Variants in TANGO6 observed in about 807,000 individuals in gnomAD.
TANGO6 encodes the protein transport and Golgi organization protein 6 homolog.
A neutral mutation model predicts 114.2 loss-of-function variants in TANGO6; 90 were observed. The ratio of observed to expected loss-of-function variants is 0.79; its 90% CI spans 0.66 to 0.94. The LOEUF (loss-of-function observed/expected upper bound fraction) is 0.94, where lower values mean the gene tolerates loss of function less well. Among genes scored for constraint, TANGO6 ranks in the 40% least tolerant of loss-of-function variants. TANGO6 has a pLI of 0.00. For synonymous variants in TANGO6, 477 were observed against 509.8 expected, an observed-to-expected ratio of 0.94 and a Z score of 0.87; for missense variants, 1,274 against 1,315.3, an observed-to-expected ratio of 0.97 and a Z score of 0.49.
At chr16:69,024,986 T>C (rs2152228915) in intron 16 of TANGO6, among the ~76,000 whole-genome samples, 1 of 152,212 alleles carries the variant, frequency 6.6e-6, no homozygotes, top group South Asian at 2.1e-4. Flanking sequence ...TTTTGTATTT[T>C]TAGTAGAGAC....
At chr16:69,010,485 G>A (rs769437352) in intron 15 of TANGO6, among the ~76,000 whole-genome samples, 9 of 152,120 alleles carry the variant, frequency 5.9e-5, no homozygotes, top group Non-Finnish European at 1.0e-4. Context: ...TGTGCCCTTC[G>A]TTGCAGTTAC....
At chr16:68,987,752 G>A (rs1963910057) in intron 15 of TANGO6, among the ~76,000 whole-genome samples, 1 of 152,086 alleles carries the variant, frequency 6.6e-6, no homozygotes, top group Non-Finnish European at 1.5e-5. Context: ...TATGTCTTTT[G>A]TCAAGTAAAG....
intron 17 of TANGO6, among the ~76,000 whole-genome samples, chr16:69,065,262 G>T (rs1264109864): frequency 2.0e-5 from 3 of 152,172 alleles, no homozygotes; most frequent in Non-Finnish European, 4.4e-5. Context: ...CCAGCCCTTG[G>T]GCAGCATGCC....
At chr16:68,967,618 C>A (rs916355906) in intron 14 of TANGO6, among the ~76,000 whole-genome samples, 3 of 152,216 alleles carry the variant, frequency 2.0e-5, no homozygotes, top group African/African-American at 7.2e-5. Flanking sequence ...CTATTCTGGA[C>A]ATTTCATTTC....
intron 12 of TANGO6, among the ~76,000 whole-genome samples, chr16:68,919,464 A>G (rs1365861228): frequency 6.6e-6 from 1 of 152,252 alleles, no homozygotes; most frequent in Admixed American, 6.5e-5. Flanking sequence ...ACCTGTTACA[A>G]TCTTAATTTG....
intron 14 of TANGO6, among the ~76,000 whole-genome samples, chr16:68,952,436 A>C (rs1286588080): frequency 6.6e-6 from 1 of 152,180 alleles, no homozygotes; most frequent in African/African-American, 2.4e-5. Flanking sequence ...GTCACCCTTC[A>C]TCTCAAATAC....
chr16:69,072,824 A>G (rs182596371), intron 17 of TANGO6, among the ~76,000 whole-genome samples: 1 of 152,270 alleles, frequency 6.6e-6, no homozygotes, highest in Non-Finnish European at 1.5e-5. Context: ...CCCAGGGGGA[A>G]ATTCCTACCC....
chr16:69,020,242 C>T (rs899091427), intron 15 of TANGO6, among the ~76,000 whole-genome samples: 3 of 152,164 alleles, frequency 2.0e-5, no homozygotes, highest in African/African-American at 7.2e-5. Context: ...GTGTGCTGCC[C>T]TACAATCTGA....
chr16:68,930,635 CTTTTTT>C (rs35493432), intron 14 of TANGO6, among the ~76,000 whole-genome samples: 1 of 134,156 alleles, frequency 7.5e-6, no homozygotes, highest in Non-Finnish European at 1.6e-5. Context: ...CGGCTACTGT[CTTTTTT>C]TTTTTTTTTT....
rs752411818 is a variant in TANGO6, at chr16:68,913,748, GC to G, written c.1992+4347del. Among the ~76,000 whole-genome samples the G allele has an allele frequency of 2.6e-5, 4 of 151,910 alleles. No individual in the cohort carries two copies. The South Asian group carries it at 8.3e-4, about 32-fold the overall frequency. ...GAAAAGAAAAATAAGAAAAAAAGGAGCAGGCTCCTTTTTACTGCAGAACCCT... is the reference window on the plus strand; with the variant it reads ...GAAAAGAAAAATAAGAAAAAAAGGAGAGGCTCCTTTTTACTGCAGAACCCT... On this transcript the variant is annotated intron_variant, in intron 11 of 17. Coordinates refer to ENST00000261778, the MANE Select transcript of TANGO6 (RefSeq NM_024562.2).
intron 7 of TANGO6, among the ~76,000 whole-genome samples, chr16:68,886,754 AC>A (rs1490906989): frequency 1.3e-5 from 2 of 151,398 alleles, no homozygotes; most frequent in Admixed American, 6.6e-5. Flanking sequence ...CAGGTGATCC[AC>A]CTGCCTCAGC....
intron 7 of TANGO6, among the ~76,000 whole-genome samples, chr16:68,881,070 C>T (rs1004330436): frequency 3.3e-5 from 5 of 152,056 alleles, no homozygotes; most frequent in Non-Finnish European, 5.9e-5. Context: ...ATTACAGGCG[C>T]GAGCCACTGC....
In TANGO6 at chr16:68,927,939, C is replaced by T. The variant is rs1223070204; in HGVS notation, c.2499C>T (p.Ser833=). The change falls in exon 13 of 18, where the codon AGC becomes AGT. Residue 833 remains serine, a synonymous_variant. Coordinates refer to ENST00000261778, the MANE Select transcript of TANGO6 (RefSeq NM_024562.2). ...PSTTTSQKSG[S]VTTEQLQEVL... is the part of the protein sequence containing the mutation. ...CTACTACAAGTCAGAAATCTGGAAG[C>T]GTAACCACAGAACAGCTCCAAGAGG... 17 of 1,613,736 alleles carry T rather than the reference C, an allele frequency of 1.1e-5. No individual in the cohort carries two copies. Among genetic ancestry groups the T allele is most frequent in the Middle Eastern group, 1.6e-4 (1 of 6,084 alleles).
intron 14 of TANGO6, among the ~76,000 whole-genome samples, chr16:68,949,758 A>G (rs1963453392): frequency 1.3e-5 from 2 of 152,178 alleles, no homozygotes; most frequent in Non-Finnish European, 2.9e-5. Context: ...CATGGTTATC[A>G]TGTGACCTAT....
At chr16:68,905,815 G>T (rs1049713507) in intron 9 of TANGO6, among the ~76,000 whole-genome samples, 2 of 152,110 alleles carry the variant, frequency 1.3e-5, no homozygotes, top group Non-Finnish European at 2.9e-5. Context: ...TGAGGCTGCA[G>T]TGAGCCACGA....
intron 16 of TANGO6, among the ~76,000 whole-genome samples, chr16:69,028,148 T>C (rs930841731): frequency 2.0e-5 from 3 of 151,974 alleles, no homozygotes; most frequent in Admixed American, 6.5e-5. Flanking sequence ...TTAGTAGAGA[T>C]GGGGTTTCAC....
intron 15 of TANGO6, among the ~76,000 whole-genome samples, chr16:69,017,361 TAA>T (rs1959317718): frequency 6.6e-6 from 1 of 152,206 alleles, no homozygotes; most frequent in South Asian, 2.1e-4. Context: ...CATTATTTGA[TAA>T]GTTAATATGC....
At position 68,860,527 on chromosome 16, in the gene TANGO6, A is replaced by G; in HGVS notation, c.735+3A>G. The G allele has an allele frequency of 6.2e-7, 1 of 1,609,584 alleles. No homozygotes were observed. The highest frequency in any genetic ancestry group is 8.5e-7 in the Non-Finnish European group (1 of 1,176,690). ...AACTGCTAACACCTGCAGAAGAGGT[A>G]AATATACATTGAGAAAGAGAGAGGG... On this transcript the variant is annotated splice_donor_region_variant and intron_variant, in intron 2 of 17. Coordinates refer to ENST00000261778, the MANE Select transcript of TANGO6 (RefSeq NM_024562.2).
intron 14 of TANGO6, among the ~76,000 whole-genome samples, chr16:68,971,429 C>G (rs1418302491): frequency 2.0e-5 from 3 of 152,044 alleles, no homozygotes; most frequent in African/African-American, 7.2e-5. Flanking sequence ...ATCACCACAC[C>G]TGGCTAATTT....
Sources: allele counts gnomAD v4.1 joint callset (sites outside exome capture counted in the v4.1 genomes callset), GRCh38; gene constraint gnomAD v4.1.1; transcripts MANE v1.5; gene names NCBI Gene and HGNC (gene_info 2026-07-23, HGNC 2026-07-21).